The following MET variants were observed in gnomAD, a reference collection of about 807,000 sequenced individuals.
MET encodes hepatocyte growth factor receptor.
MET carries 48 observed loss-of-function variants against 133.1 expected under a neutral mutation model. The observed-to-expected ratio is 0.36, with a 90% CI of 0.29 to 0.46. MET has a LOEUF of 0.46. Ranked by LOEUF, MET falls within the 20% of genes least tolerant of loss-of-function variation. The probability of loss-of-function intolerance (pLI) is 1.00; values close to 1 mark genes in which losing one functional copy is unlikely to be tolerated. For missense variants in MET, 1,442 were observed against 1,695.9 expected (o/e 0.85, Z 2.63); for synonymous variants, 628 against 616.5 (o/e 1.02, Z -0.28).
chr7:116,702,623 C>G (rs1791623150), intron 2 of MET, among the ~76,000 whole-genome samples: 1 of 152,138 alleles, frequency 6.6e-6, no homozygotes, highest in Non-Finnish European at 1.5e-5. Flanking sequence ...TTAATAATTT[C>G]TTGGAACTGA....
intron 3 of MET, among the ~76,000 whole-genome samples, chr7:116,739,715 T>G (rs1365147395): frequency 6.6e-6 from 1 of 152,218 alleles, no homozygotes; most frequent in East Asian, 1.9e-4. Context: ...TCTCTTTCCC[T>G]TGAAACCATT....
intron 2 of MET, among the ~76,000 whole-genome samples, chr7:116,728,667 T>C (rs777095825): frequency 3.3e-5 from 5 of 152,164 alleles, no homozygotes; most frequent in Non-Finnish European, 7.4e-5. Context: ...ACTTTGCAGA[T>C]GCACTAATTT....
intron 5 of MET, among the ~76,000 whole-genome samples, chr7:116,752,952 G>A (rs1443288289): frequency 6.6e-6 from 1 of 152,042 alleles, no homozygotes; most frequent in East Asian, 1.9e-4. Context: ...TGGATGTCTT[G>A]TTCTCTCCTA....
chr7:116,700,291 C>A lies in MET; in HGVS notation c.1200+7C>A. On this transcript the variant is annotated splice_region_variant and intron_variant, in intron 2 of 20. Transcript: ENST00000397752. ...TGAGCACTGCTTTAATAGGGTAAGT[C>A]ACATCAGTTCCCCACTTATAAACTG... The A allele has an allele frequency of 6.2e-7, 1 of 1,600,910 alleles. No homozygotes were observed. The highest frequency in any genetic ancestry group is 1.1e-5 in the South Asian group (1 of 89,626).
chr7:116,775,001 C>T lies in MET; in HGVS notation c.3149C>T (p.Thr1050Ile), dbSNP rs1179812872. Reference sequence around the variant, plus strand: ...ATATCCAGTCCATTACTGCAAAATACTGTCCACATTGACCTCAGTGCTCTA... The same window carrying T: ...ATATCCAGTCCATTACTGCAAAATATTGTCCACATTGACCTCAGTGCTCTA... ...SDISSPLLQN[T>I]VHIDLSALNP... The change falls in exon 15 of 21, where the codon ACT (threonine) becomes ATT (isoleucine). Residue 1050 changes from threonine (T) to isoleucine (I), a missense_variant. By Grantham distance (89) the Thr-to-Ile change is moderately conservative. This residue lies in a region of MET where 514 missense variants were observed against 659.6 expected (regional missense o/e 0.78). Transcript: ENST00000397752. 1 of 1,614,198 alleles carries T rather than the reference C, an allele frequency of 6.2e-7. No homozygotes were observed. Among genetic ancestry groups the T allele is most frequent in the East Asian group, 2.2e-5 (1 of 44,888 alleles).
At chr7:116,677,655 A>G (rs1018049582) in intron 1 of MET, among the ~76,000 whole-genome samples, 36 of 152,264 alleles carry the variant, frequency 2.4e-4, no homozygotes, top group African/African-American at 8.2e-4. Flanking sequence ...AGCAGCATGC[A>G]TGGCCCGAGA....
At chr7:116,708,782 A>G (rs1015215204) in intron 2 of MET, among the ~76,000 whole-genome samples, 3 of 151,946 alleles carry the variant, frequency 2.0e-5, no homozygotes, top group Admixed American at 6.6e-5. Flanking sequence ...TCTATGGCCA[A>G]CCCTTGGGAC....
intron 2 of MET, among the ~76,000 whole-genome samples, chr7:116,720,474 T>C (rs1792437116): frequency 7.2e-6 from 1 of 138,942 alleles, no homozygotes; most frequent in South Asian, 2.4e-4. Flanking sequence ...GAATACCCTT[T>C]ATTTCCTTCT....
intron 3 of MET, among the ~76,000 whole-genome samples, chr7:116,739,082 G>C (rs1793348378): frequency 6.6e-6 from 1 of 152,174 alleles, no homozygotes; most frequent in South Asian, 2.1e-4. Flanking sequence ...GCCTACTTAA[G>C]AGTGAAAGTT....
chr7:116,765,002 A>G (rs1206476409), intron 11 of MET, among the ~76,000 whole-genome samples: 2 of 152,158 alleles, frequency 1.3e-5, no homozygotes, highest in Non-Finnish European at 1.5e-5. Flanking sequence ...TGATCACATT[A>G]AAACTTCTAC....
chr7:116,781,956 G>A (rs1562935120), intron 17 of MET, 32 bp from the exon 18 acceptor site: 2 of 1,361,194 alleles, frequency 1.5e-6, no homozygotes, highest in Middle Eastern at 1.8e-4. Flanking sequence ...TAGATGCTTA[G>A]TTTATGCTTT....
intron 2 of MET, among the ~76,000 whole-genome samples, chr7:116,728,723 C>T (rs1036059471): frequency 6.6e-6 from 1 of 152,178 alleles, no homozygotes; most frequent in Non-Finnish European, 1.5e-5. Flanking sequence ...AGGCATAATA[C>T]AGGGTCCTGG....
intron 2 of MET, among the ~76,000 whole-genome samples, chr7:116,709,775 C>A (rs1791927097): frequency 2.0e-5 from 3 of 151,954 alleles, no homozygotes; most frequent in Non-Finnish European, 1.5e-5. Flanking sequence ...TTACACACAA[C>A]CTCAGGAAAA....
At chr7:116,774,732 A>T (rs1794938210) in intron 14 of MET, 149 bp from the exon 15 acceptor site, 2 of 657,650 alleles carry the variant, frequency 3.0e-6, no homozygotes, top group Non-Finnish European at 5.3e-6. Context: ...TAAACATCTA[A>T]TGAAATGCTT....
chr7:116,724,460 G>C (rs1053085626), intron 2 of MET, among the ~76,000 whole-genome samples: 4 of 152,180 alleles, frequency 2.6e-5, no homozygotes, highest in African/African-American at 9.7e-5. Context: ...CTGTAGACCG[G>C]AGCTGTTCCT....
At position 116,755,340 on chromosome 7, in the gene MET, A is replaced by C. The variant is rs200635057; in HGVS notation, c.1702-15A>C. ...TATATTGGGTTTTTTTAAAAGTTCT[A>C]TGTTGTCCTTGTAGGTTTTCCCAAA... On this transcript the variant is annotated splice_polypyrimidine_tract_variant and intron_variant, in intron 5 of 20. Coordinates refer to ENST00000397752, the MANE Select transcript of MET (RefSeq NM_000245.4). The C allele has an allele frequency of 8.7e-6, 14 of 1,613,754 alleles. No homozygotes were observed. Among genetic ancestry groups the C allele is most frequent in the Non-Finnish European group, 1.2e-5 (14 of 1,179,792 alleles).
intron 5 of MET, among the ~76,000 whole-genome samples, chr7:116,749,786 A>G (rs1793843211): frequency 6.6e-6 from 1 of 152,232 alleles, no homozygotes; most frequent in Admixed American, 6.5e-5. Flanking sequence ...TCAATGTGCA[A>G]AAATCACAGG....
intron 5 of MET, among the ~76,000 whole-genome samples, chr7:116,746,818 A>G (rs1793708623): frequency 6.6e-6 from 1 of 152,122 alleles, no homozygotes; most frequent in Admixed American, 6.5e-5. Flanking sequence ...ATTAGGAGAT[A>G]TACCTAAGTA....
intron 2 of MET, among the ~76,000 whole-genome samples, chr7:116,726,646 G>T (rs2116747376): frequency 6.6e-6 from 1 of 152,310 alleles, no homozygotes; most frequent in African/African-American, 2.4e-5. Context: ...CAAGAAATGG[G>T]AGGGTCTTGA....
Sources: gnomAD v4.1 joint callset for allele counts (sites outside exome capture counted in the v4.1 genomes callset) on GRCh38, gnomAD v4.1.1 for gene constraint, gnomAD v4.1.1 regional missense constraint, MANE v1.5 for transcripts, NCBI Gene and HGNC (gene_info 2026-07-23, HGNC 2026-07-21) for gene names.